Variants in NELL1 observed in about 807,000 individuals in gnomAD.
NELL1 encodes neural EGFL like 1.
NELL1 carries 76 observed loss-of-function variants against 107.4 expected under a neutral mutation model. That is an observed-to-expected ratio of 0.71 (90% CI 0.59 to 0.86). NELL1 has a LOEUF of 0.86. Ranked by LOEUF, NELL1 falls within the 40% of genes least tolerant of loss-of-function variation. The probability of loss-of-function intolerance (pLI) is 0.00; values close to 1 mark genes in which losing one functional copy is unlikely to be tolerated. For missense variants in NELL1, 1,024 were observed against 1,005.5 expected, an observed-to-expected ratio of 1.02 and a Z score of -0.25; for synonymous variants, 353 against 341.2, an observed-to-expected ratio of 1.03 and a Z score of -0.38.
intron 12 of NELL1, among the ~76,000 whole-genome samples, chr11:20,991,176 A>T (rs1463822369): frequency 2.0e-5 from 3 of 152,248 alleles, no homozygotes; most frequent in Non-Finnish European, 4.4e-5. Flanking sequence ...AAGGGAACAC[A>T]TGCCCTGGAC....
chr11:21,404,383 C>T (rs1438443586), intron 15 of NELL1, among the ~76,000 whole-genome samples: 2 of 151,838 alleles, frequency 1.3e-5, no homozygotes, highest in Non-Finnish European at 2.9e-5. Flanking sequence ...AGTTCAAAGG[C>T]ATTAGAAGGA....
At chr11:21,106,625 A>G (rs1263328606) in intron 12 of NELL1, among the ~76,000 whole-genome samples, 7 of 151,784 alleles carry the variant, frequency 4.6e-5, no homozygotes, top group Admixed American at 4.6e-4. Context: ...AGGAAAAGAA[A>G]GAGAGAGAGA....
intron 2 of NELL1, among the ~76,000 whole-genome samples, chr11:20,765,030 T>G (rs1191251287): frequency 6.6e-6 from 1 of 152,096 alleles, no homozygotes. Context: ...GGATGACAGA[T>G]GACCATAGTC....
At chr11:20,988,911 G>T (rs990006911) in intron 12 of NELL1, among the ~76,000 whole-genome samples, 3 of 151,810 alleles carry the variant, frequency 2.0e-5, no homozygotes, top group Non-Finnish European at 2.9e-5. Flanking sequence ...TTCTCACCTT[G>T]GTACCAAAGA....
At chr11:21,461,507 A>T (rs779863518) in intron 15 of NELL1, among the ~76,000 whole-genome samples, 3 of 152,118 alleles carry the variant, frequency 2.0e-5, no homozygotes, top group Admixed American at 6.6e-5. Context: ...CATTAACAGA[A>T]GGTCTCCAAA....
intron 12 of NELL1, among the ~76,000 whole-genome samples, chr11:20,975,190 T>A (rs1417270104): frequency 2.0e-5 from 3 of 151,878 alleles, no homozygotes; most frequent in African/African-American, 7.3e-5. Flanking sequence ...TGTTTATTTT[T>A]TTTTTAGTAG....
At chr11:21,523,154 G>GT (rs1377591140) in intron 15 of NELL1, among the ~76,000 whole-genome samples, 1 of 151,760 alleles carries the variant, frequency 6.6e-6, no homozygotes, top group African/African-American at 2.4e-5. Context: ...GCTGAATCCT[G>GT]TTTTTTTCTG....
intron 2 of NELL1, among the ~76,000 whole-genome samples, chr11:20,687,056 T>C (rs1169320234): frequency 6.6e-6 from 1 of 151,386 alleles, no homozygotes; most frequent in Non-Finnish European, 1.5e-5. Context: ...TTTTTTTTTT[T>C]TTCAAATTTT....
chr11:21,091,804 A>G (rs983511858), intron 12 of NELL1, among the ~76,000 whole-genome samples: 4 of 152,240 alleles, frequency 2.6e-5, no homozygotes, highest in Admixed American at 1.3e-4. Context: ...ATGCACAATG[A>G]CAATGACAAT....
At chr11:21,511,715 G>T (rs1298114524) in intron 15 of NELL1, among the ~76,000 whole-genome samples, 1 of 152,108 alleles carries the variant, frequency 6.6e-6, no homozygotes, top group Non-Finnish European at 1.5e-5. Context: ...AGATGCAAAG[G>T]CTCATGCAAA....
intron 17 of NELL1, among the ~76,000 whole-genome samples, chr11:21,569,050 C>T (rs950881150): frequency 1.3e-5 from 2 of 151,690 alleles, no homozygotes; most frequent in African/African-American, 2.4e-5. Context: ...TTTATACAGG[C>T]ATCATTACAA....
At chr11:20,707,688 A>G (rs967922785) in intron 2 of NELL1, among the ~76,000 whole-genome samples, 6 of 152,200 alleles carry the variant, frequency 3.9e-5, no homozygotes, top group African/African-American at 1.4e-4. Flanking sequence ...AATAGCAAGT[A>G]TTGCAGAACG....
intron 2 of NELL1, among the ~76,000 whole-genome samples, chr11:20,692,214 G>A (rs1854486425): frequency 6.6e-6 from 1 of 150,706 alleles, no homozygotes; most frequent in Non-Finnish European, 1.5e-5. Context: ...TATGAATTTT[G>A]TTGATCCTTT....
At chr11:21,312,914 C>A (rs1849780834) in intron 14 of NELL1, among the ~76,000 whole-genome samples, 1 of 152,010 alleles carries the variant, frequency 6.6e-6, no homozygotes, top group Non-Finnish European at 1.5e-5. Context: ...TGTCTTTCCT[C>A]CACATAAGTA....
intron 15 of NELL1, among the ~76,000 whole-genome samples, chr11:21,522,532 T>C (rs1292188600): frequency 6.6e-6 from 1 of 152,024 alleles, no homozygotes; most frequent in African/African-American, 2.4e-5. Flanking sequence ...GAACGTACAA[T>C]GTGAAATGAT....
intron 13 of NELL1, among the ~76,000 whole-genome samples, chr11:21,186,304 C>A (rs999063303): frequency 6.6e-6 from 1 of 151,774 alleles, no homozygotes; most frequent in African/African-American, 2.4e-5. Flanking sequence ...CTGTAAGGGA[C>A]CTTGACACCT....
rs532348240 is a variant in NELL1 at position 21,244,180 on chromosome 11, G to A, written c.1549+14726G>A. ...ATTTTACTAAGATAAGAGAGTAGGAGAAAAAAGAACACAACAAATCTATAG... is the reference window on the plus strand; with the variant it reads ...ATTTTACTAAGATAAGAGAGTAGGAAAAAAAAGAACACAACAAATCTATAG... On this transcript the variant is annotated intron_variant, in intron 14 of 19. Transcript: ENST00000357134. 9.9e-4 allele frequency among the ~76,000 whole-genome samples: 150 copies of A among 152,154 alleles called. 1 individual carries two copies. The highest frequency in any genetic ancestry group is 3.5e-3 in the African/African-American group (147 of 41,524).
intron 13 of NELL1, among the ~76,000 whole-genome samples, chr11:21,221,426 C>G (rs912195958): frequency 6.6e-6 from 1 of 152,108 alleles, no homozygotes; most frequent in Non-Finnish European, 1.5e-5. Flanking sequence ...ACCACCTCTT[C>G]AGTTTTTGTA....
intron 13 of NELL1, among the ~76,000 whole-genome samples, chr11:21,189,716 C>T (rs1857010579): frequency 6.9e-6 from 1 of 145,916 alleles, no homozygotes. Flanking sequence ...TACTCTGGTA[C>T]TATAAGAATT....
Sources: gnomAD v4.1 joint callset for allele counts (sites outside exome capture counted in the v4.1 genomes callset) on GRCh38, gnomAD v4.1.1 for gene constraint, MANE v1.5 for transcripts, NCBI Gene and HGNC (gene_info 2026-07-23, HGNC 2026-07-21) for gene names.